IL1RAPL1: variants seen among roughly 807,000 people sequenced by gnomAD.
The protein encoded by IL1RAPL1 is interleukin-1 receptor accessory protein-like 1.
IL1RAPL1 carries 3 observed loss-of-function variants against 48.4 expected under a neutral mutation model. The ratio of observed to expected loss-of-function variants is 0.06; its 90% CI spans 0.03 to 0.16. IL1RAPL1 has a LOEUF of 0.16. Among genes scored for constraint, IL1RAPL1 ranks in the 10% least tolerant of loss-of-function variants. The pLI is 1.00. For missense variants in IL1RAPL1, 349 were observed against 530.6 expected (o/e 0.66, Z 3.36); for synonymous variants, 185 against 187.7 (o/e 0.99, Z 0.12).
intron 2 of IL1RAPL1, among the ~76,000 whole-genome samples, chrX:29,020,344 T>G (rs774398312): frequency 8.9e-6 from 1 of 112,218 alleles, no homozygotes; most frequent in East Asian, 2.8e-4. Flanking sequence ...TACTGTATTT[T>G]TACCATATTT....
chrX:29,065,762 G>T (rs775658557), intron 2 of IL1RAPL1, among the ~76,000 whole-genome samples: 46 of 111,129 alleles, frequency 4.1e-4, no homozygotes, highest in Non-Finnish European at 6.8e-4. Context: ...ATTTATTTCA[G>T]GTTTGCTGAT....
intron 5 of IL1RAPL1, among the ~76,000 whole-genome samples, chrX:29,602,995 G>A (rs1178817887): frequency 1.8e-5 from 2 of 112,351 alleles, no homozygotes; most frequent in Non-Finnish European, 3.8e-5. Flanking sequence ...GCCAGGTGTG[G>A]TGGTGGGCGC....
chrX:29,769,439 T>G (rs1262446309), intron 6 of IL1RAPL1, among the ~76,000 whole-genome samples: 3 of 64,677 alleles, frequency 4.6e-5, no homozygotes, highest in Non-Finnish European at 8.6e-5. Context: ...TTTTTTTTTT[T>G]TTTTTTTTTT....
chrX:28,605,277 C>A (rs1443143343), intron 1 of IL1RAPL1, among the ~76,000 whole-genome samples: 1 of 112,505 alleles, frequency 8.9e-6, no homozygotes, highest in Non-Finnish European at 1.9e-5. Context: ...AGCTATTTGA[C>A]ATTTGTCACT....
intron 1 of IL1RAPL1, among the ~76,000 whole-genome samples, chrX:28,721,253 CTGT>C (rs1935573791): frequency 8.9e-6 from 1 of 111,810 alleles, no homozygotes; most frequent in South Asian, 3.8e-4. Flanking sequence ...TCTCCAGCAC[CTGT>C]TGTTTCCTGA....
chrX:29,279,863 A>T (rs1245052268), intron 2 of IL1RAPL1, among the ~76,000 whole-genome samples: 1 of 111,974 alleles, frequency 8.9e-6, no homozygotes, highest in Non-Finnish European at 1.9e-5. Flanking sequence ...TATTCTCTTG[A>T]TCTAATTTGT....
chrX:29,633,492 C>G (rs1202048680), intron 5 of IL1RAPL1, among the ~76,000 whole-genome samples: 6 of 109,343 alleles, frequency 5.5e-5, no homozygotes, highest in Admixed American at 1.0e-4. Context: ...CACACACACA[C>G]ACACACACAC....
intron 1 of IL1RAPL1, among the ~76,000 whole-genome samples, chrX:28,656,380 C>G (rs1323568675): frequency 9.0e-6 from 1 of 111,494 alleles, no homozygotes; most frequent in Non-Finnish European, 1.9e-5. Flanking sequence ...GTTCTGAGCT[C>G]TGGTGGATAG....
intron 6 of IL1RAPL1, among the ~76,000 whole-genome samples, chrX:29,713,231 T>A (rs1420524668): frequency 8.9e-6 from 1 of 111,998 alleles, no homozygotes; most frequent in African/African-American, 3.2e-5. Flanking sequence ...AGCTATTTGA[T>A]ACATATAAAG....
In IL1RAPL1 at chrX:29,208,782, A is replaced by G. The variant is rs773546874; in HGVS notation, c.83-74156A>G. Among the ~76,000 whole-genome samples the G allele has an allele frequency of 4.6e-5, 5 of 109,822 alleles. No individual in the cohort carries two copies. In the East Asian group the frequency reaches 1.4e-3, roughly 31 times the overall value. On this transcript the variant is annotated intron_variant, in intron 2 of 10. Transcript: ENST00000378993. ...TCTTAGCTAATCTTTCTTCATTAGT[A>G]CTTCTCAGAGTATAGGAAGAATACA...
At chrX:29,774,941 A>G (rs924676993) in intron 6 of IL1RAPL1, among the ~76,000 whole-genome samples, 1 of 112,605 alleles carries the variant, frequency 8.9e-6, no homozygotes, top group Admixed American at 9.5e-5. Flanking sequence ...CACATGAAGT[A>G]CTGTGCTTTG....
chrX:29,768,088 C>T (rs1266196198), intron 6 of IL1RAPL1, among the ~76,000 whole-genome samples: 1 of 111,607 alleles, frequency 9.0e-6, no homozygotes, highest in East Asian at 2.8e-4. Flanking sequence ...AAATAGCATA[C>T]AATGTTTAAC....
chrX:29,930,285 A>G (rs190776179), intron 8 of IL1RAPL1, among the ~76,000 whole-genome samples: 9 of 112,274 alleles, frequency 8.0e-5, no homozygotes, highest in Non-Finnish European at 1.7e-4. Context: ...TCTTTAAATG[A>G]TAGTTGCATA....
intron 5 of IL1RAPL1, among the ~76,000 whole-genome samples, chrX:29,562,540 C>T (rs1922271193): frequency 9.0e-6 from 1 of 110,658 alleles, no homozygotes; most frequent in South Asian, 3.8e-4. Context: ...AGACTTAGGC[C>T]ATCATTTATA....
chrX:29,193,139 G>A (rs1392937716), intron 2 of IL1RAPL1, among the ~76,000 whole-genome samples: 4 of 110,337 alleles, frequency 3.6e-5, no homozygotes, highest in Non-Finnish European at 7.6e-5. Context: ...AATTTACTTT[G>A]CTATAATAAT....
At chrX:29,348,739 T>C (rs1161993069) in intron 3 of IL1RAPL1, among the ~76,000 whole-genome samples, 1 of 111,935 alleles carries the variant, frequency 8.9e-6, no homozygotes, top group Non-Finnish European at 1.9e-5. Context: ...TGAGGGTGAC[T>C]CTTTCAAACA....
chrX:29,157,532 C>G (rs988759290), intron 2 of IL1RAPL1, among the ~76,000 whole-genome samples: 3 of 111,799 alleles, frequency 2.7e-5, no homozygotes, highest in African/African-American at 9.7e-5. Flanking sequence ...AGGACAAACA[C>G]ACTGCAGATA....
At chrX:28,829,539 A>G (rs949518353) in intron 2 of IL1RAPL1, among the ~76,000 whole-genome samples, 1 of 102,263 alleles carries the variant, frequency 9.8e-6, no homozygotes, top group African/African-American at 3.7e-5. Context: ...TGAATGCTTT[A>G]TCATGAAAGG....
chrX:29,098,886 C>T (rs781078438), intron 2 of IL1RAPL1, among the ~76,000 whole-genome samples: 1 of 112,444 alleles, frequency 8.9e-6, no homozygotes, highest in Non-Finnish European at 1.9e-5. Flanking sequence ...TGCAGAGGCT[C>T]ACGCCTGTAA....
Sources: gnomAD v4.1 joint callset for allele counts (sites outside exome capture counted in the v4.1 genomes callset) on GRCh38, gnomAD v4.1.1 for gene constraint, MANE v1.5 for transcripts, NCBI Gene and HGNC (gene_info 2026-07-23, HGNC 2026-07-21) for gene names.